The following P3H2 variants were observed in gnomAD, a reference collection of about 807,000 sequenced individuals.
P3H2 encodes the protein leprecan-like 1.
In P3H2, 80 loss-of-function variants were observed where a neutral mutation model predicts 87.0. That is an observed-to-expected ratio of 0.92 (90% confidence interval 0.77 to 1.11). P3H2 has a LOEUF of 1.11. P3H2 is among the 50% of genes least tolerant of loss of function. P3H2 has a pLI of 0.00. For synonymous variants in P3H2, 367 were observed against 359.3 expected (o/e 1.02, Z -0.24); for missense variants, 1,001 against 923.9 (o/e 1.08, Z -1.08).
At chr3:190,037,558 G>A (rs1446662527) in intron 1 of P3H2, among the ~76,000 whole-genome samples, 84 of 152,096 alleles carry the variant, frequency 5.5e-4, no homozygotes, top group Non-Finnish European at 7.4e-5. Context: ...ATGTCAACAC[G>A]TCAATCTGTC....
Position 190,013,631 on chromosome 3 carries a change from G to C in P3H2, c.481-18189C>G, listed in dbSNP as rs1724663860. ...ATCTGTAAATTCCAAAGAGAAAACA[G>C]ATTTTCCTTGTAAATATTTTCCCTT... On this transcript the variant is annotated intron_variant, in intron 1 of 14. Coordinates refer to ENST00000319332, the MANE Select transcript of P3H2 (RefSeq NM_018192.4). 2.0e-5 allele frequency among the ~76,000 whole-genome samples: 3 copies of C among 152,274 alleles called. No homozygotes were observed. The South Asian group carries it at 6.2e-4, about 32-fold the overall frequency.
chr3:190,120,937 A>G (rs1337260928), upstream of P3H2: 3 of 670,168 alleles, frequency 4.5e-6, no homozygotes, highest in Non-Finnish European at 4.6e-6. Flanking sequence ...AGGGACGCCC[A>G]CAGCTCACAC....
chr3:190,037,677 G>A (rs1725467186), intron 1 of P3H2, among the ~76,000 whole-genome samples: 1 of 152,070 alleles, frequency 6.6e-6, no homozygotes, highest in Non-Finnish European at 1.5e-5. Flanking sequence ...AGATATGAAT[G>A]TTAATGATTA....
chr3:190,027,599 G>A (rs1484855935), intron 1 of P3H2, among the ~76,000 whole-genome samples: 5 of 150,558 alleles, frequency 3.3e-5, no homozygotes, highest in African/African-American at 1.2e-4. Flanking sequence ...ATATAGGTTG[G>A]TGCAAAAGTA....
chr3:189,986,766 AACG>A lies in P3H2; in HGVS notation c.1188+19_1188+21del. 6.7e-7 allele frequency: 1 copy of A among 1,495,736 alleles called. No individual in the cohort carries two copies. Among genetic ancestry groups the A allele is most frequent in the Non-Finnish European group, 9.3e-7 (1 of 1,072,880 alleles). 92.7% of individuals were successfully genotyped at this position (1,495,736 alleles called of 1,614,324 possible). A position where few individuals can be genotyped will look rare whatever the true frequency, so the allele number is the denominator to read the frequency against. On this transcript the variant is annotated intron_variant, in intron 6 of 14. Coordinates refer to ENST00000319332, the MANE Select transcript of P3H2 (RefSeq NM_018192.4). Reference sequence around the variant, plus strand: ...ATTCCACTGAATCATTATTTTAATAAACGTTTCCTCTTTCCTCTTACCGGTTCA... The same window carrying A: ...ATTCCACTGAATCATTATTTTAATAATTTCCTCTTTCCTCTTACCGGTTCA...
chr3:190,080,040 T>C (rs1372030127), intron 1 of P3H2, among the ~76,000 whole-genome samples: 2 of 152,224 alleles, frequency 1.3e-5, no homozygotes, highest in African/African-American at 4.8e-5. Flanking sequence ...TATATTTCCC[T>C]TATTAAGTAG....
At chr3:190,034,836 T>C (rs1327307105) in intron 1 of P3H2, among the ~76,000 whole-genome samples, 1 of 82,078 alleles carries the variant, frequency 1.2e-5, no homozygotes, top group African/African-American at 5.1e-5. Flanking sequence ...AAATCGCTTT[T>C]TCTTTTCTTT....
chr3:190,036,286 A>T (rs184354737), intron 1 of P3H2, among the ~76,000 whole-genome samples: 8 of 152,284 alleles, frequency 5.3e-5, no homozygotes, highest in Admixed American at 2.0e-4. Context: ...TGCATTCCAC[A>T]TATTTCTTGT....
At chr3:190,080,052 G>A (rs1256086018) in intron 1 of P3H2, among the ~76,000 whole-genome samples, 1 of 152,130 alleles carries the variant, frequency 6.6e-6, no homozygotes, top group African/African-American at 2.4e-5. Flanking sequence ...ATTAAGTAGA[G>A]GCATAAAAAA....
At chr3:190,099,230 T>A (rs911285330) in intron 1 of P3H2, among the ~76,000 whole-genome samples, 4 of 152,228 alleles carry the variant, frequency 2.6e-5, no homozygotes, top group Non-Finnish European at 5.9e-5. Context: ...CAACAAATTA[T>A]GCGTGGAACG....
intron 1 of P3H2, among the ~76,000 whole-genome samples, chr3:189,997,403 T>G (rs1032265259): frequency 6.6e-6 from 1 of 152,206 alleles, no homozygotes; most frequent in African/African-American, 2.4e-5. Context: ...TCCATTTTAG[T>G]GTGAAGAAAT....
At chr3:190,081,945 A>G (rs1727057133) in intron 1 of P3H2, among the ~76,000 whole-genome samples, 1 of 152,168 alleles carries the variant, frequency 6.6e-6, no homozygotes, top group African/African-American at 2.4e-5. Context: ...CATGCTAAAC[A>G]TGGTTAAAAC....
At chr3:190,036,103 A>G (rs1725415489) in intron 1 of P3H2, among the ~76,000 whole-genome samples, 1 of 152,136 alleles carries the variant, frequency 6.6e-6, no homozygotes, top group African/African-American at 2.4e-5. Flanking sequence ...TTTTCTTCTG[A>G]AAGTCTCAGT....
chr3:190,055,533 TTTTTC>T (rs1289984606), intron 1 of P3H2, among the ~76,000 whole-genome samples: 1 of 124,012 alleles, frequency 8.1e-6, no homozygotes, highest in African/African-American at 3.8e-5. Context: ...GCTTTTTTTT[TTTTTC>T]TCCTTTCTCT....
chr3:190,084,571 G>A (rs1446107803), intron 1 of P3H2, among the ~76,000 whole-genome samples: 1 of 152,062 alleles, frequency 6.6e-6, no homozygotes, highest in Non-Finnish European at 1.5e-5. Flanking sequence ...ATAATCACAG[G>A]TGCTGAATCT....
intron 14 of P3H2, among the ~76,000 whole-genome samples, chr3:189,961,664 T>C (rs941618607): frequency 2.2e-4 from 33 of 152,192 alleles, no homozygotes; most frequent in African/African-American, 7.7e-4. Flanking sequence ...TAGCAAAGAA[T>C]GATTCACAGC....
At chr3:190,114,176 A>AATT (rs200057448) in intron 1 of P3H2, among the ~76,000 whole-genome samples, 1 of 140,738 alleles carries the variant, frequency 7.1e-6, no homozygotes, top group Non-Finnish European at 1.5e-5. Context: ...GCCCTCATCT[A>AATT]ATTATTATTA....
intron 8 of P3H2, among the ~76,000 whole-genome samples, chr3:189,977,471 G>A (rs1019847320): frequency 6.6e-6 from 1 of 152,172 alleles, no homozygotes; most frequent in Non-Finnish European, 1.5e-5. Flanking sequence ...AAACCGGTGA[G>A]AGATCCTGAA....
Position 189,974,588 on chromosome 3 carries a change from T to C in P3H2, c.1422A>G (p.Glu474=). 2 of 1,614,106 alleles carry C rather than the reference T, an allele frequency of 1.2e-6. No individual in the cohort carries two copies. The highest frequency in any genetic ancestry group is 1.7e-6 in the Non-Finnish European group (2 of 1,180,024). The change falls in exon 9 of 15, where the codon GAA becomes GAG. Residue 474 remains glutamate (E), a synonymous_variant. Transcript: ENST00000319332. ...CCACGCTGTGGAGCTCCCGGCACTG[T>C]TCTTCCGACAGGACGTTATCCAGGA... ...RVLLDNVLSE[E]QCRELHSVAS...
Sources: allele counts gnomAD v4.1 joint callset (sites outside exome capture counted in the v4.1 genomes callset), GRCh38; gene constraint gnomAD v4.1.1; transcripts MANE v1.5; gene names NCBI Gene and HGNC (gene_info 2026-07-23, HGNC 2026-07-21).